The following CAPN5 variants were observed in gnomAD, a reference collection of about 807,000 sequenced individuals.
CAPN5 encodes calpain 5.
A neutral mutation model predicts 73.0 loss-of-function variants in CAPN5; 54 were observed. The observed-to-expected ratio is 0.74, with a 90% CI of 0.59 to 0.93. CAPN5 has a LOEUF of 0.93. CAPN5 is among the 40% of genes least tolerant of loss of function. The pLI is 0.00. For missense variants in CAPN5, 785 were observed against 882.9 expected (o/e 0.89, Z 1.41); for synonymous variants, 335 against 356.9 (o/e 0.94, Z 0.69).
At chr11:77,122,152 G>A in intron 11 of CAPN5, 103 bp downstream of exon 11, 1 of 665,828 alleles carries the variant, frequency 1.5e-6, no homozygotes, top group Non-Finnish European at 2.5e-6. Flanking sequence ...GCTCTCAGAG[G>A]CACTGCAGGC....
At chr11:77,080,306 C>T (rs868914079) in intron 1 of CAPN5, among the ~76,000 whole-genome samples, 1 of 152,172 alleles carries the variant, frequency 6.6e-6, no homozygotes, top group East Asian at 1.9e-4. Flanking sequence ...ATTCTGGGTC[C>T]TTTGTGGCTT....
At chr11:77,103,778 C>G (rs1295464509) in intron 3 of CAPN5, among the ~76,000 whole-genome samples, 1 of 152,230 alleles carries the variant, frequency 6.6e-6, no homozygotes, top group Non-Finnish European at 1.5e-5. Flanking sequence ...TCCAGCAAGC[C>G]GGCATTCACT....
intron 7 of CAPN5, among the ~76,000 whole-genome samples, chr11:77,116,833 T>G (rs1950473235): frequency 6.6e-6 from 1 of 152,086 alleles, no homozygotes; most frequent in Non-Finnish European, 1.5e-5. Flanking sequence ...TAGGCCTTGG[T>G]GGGCAAGGAA....
At chr11:77,104,079 C>G (rs546069640) in intron 3 of CAPN5, among the ~76,000 whole-genome samples, 25 of 152,290 alleles carry the variant, frequency 1.6e-4, no homozygotes, top group African/African-American at 5.8e-4. Context: ...CTATTCCTAC[C>G]CTAGGAACAA....
At chr11:77,091,235 T>C (rs1555036467) in intron 2 of CAPN5, among the ~76,000 whole-genome samples, 1 of 152,194 alleles carries the variant, frequency 6.6e-6, no homozygotes, top group Non-Finnish European at 1.5e-5. Flanking sequence ...TACACAGCCC[T>C]GCTGGGATGA....
chr11:77,088,663 G>T (rs1950117407), intron 2 of CAPN5, among the ~76,000 whole-genome samples: 1 of 152,168 alleles, frequency 6.6e-6, no homozygotes, highest in African/African-American at 2.4e-5. Flanking sequence ...ATTCCAGGAG[G>T]GTGGTGACTA....
chr11:77,104,838 G>A (rs1284376850), intron 3 of CAPN5, among the ~76,000 whole-genome samples: 2 of 152,240 alleles, frequency 1.3e-5, no homozygotes, highest in Non-Finnish European at 2.9e-5. Context: ...GCCATCCCCT[G>A]TGGCTGGGGC....
chr11:77,102,748 G>T (rs531097694), intron 3 of CAPN5: 4 of 1,420,420 alleles, frequency 2.8e-6, no homozygotes, highest in Non-Finnish European at 3.7e-6. Flanking sequence ...GCAGAAAGTA[G>T]GTGGGGCCCC....
chr11:77,123,574 C>A (rs1189682955), intron 12 of CAPN5, 114 bp from the exon 13 acceptor site: 1 of 888,054 alleles, frequency 1.1e-6, no homozygotes, highest in Non-Finnish European at 1.8e-6. Flanking sequence ...GCCCCCGATC[C>A]TCAGCCAGGC....
At chr11:77,075,443 G>A (rs1591109614) in intron 1 of CAPN5, among the ~76,000 whole-genome samples, 2 of 152,140 alleles carry the variant, frequency 1.3e-5, no homozygotes, top group Admixed American at 1.3e-4. Context: ...GGAGGAGGCT[G>A]GGACCAGAGA....
chr11:77,106,769 A>C (rs970175881), intron 3 of CAPN5, among the ~76,000 whole-genome samples: 2 of 152,214 alleles, frequency 1.3e-5, no homozygotes, highest in African/African-American at 4.8e-5. Flanking sequence ...GTGGGGGTAC[A>C]GGAGAACCTG....
chr11:77,088,732 C>A (rs1950118053), intron 2 of CAPN5, among the ~76,000 whole-genome samples: 1 of 152,144 alleles, frequency 6.6e-6, no homozygotes, highest in African/African-American at 2.4e-5. Context: ...GGAGCCTCTG[C>A]AGATATAGCC....
intron 3 of CAPN5, chr11:77,103,182 A>G (rs781797541): frequency 1.5e-5 from 24 of 1,613,674 alleles, no homozygotes; most frequent in East Asian, 4.5e-5. Context: ...CTCGGATGCC[A>G]TAGATTGGAA....
At chr11:77,083,477 T>A (rs1446567806) in intron 1 of CAPN5, among the ~76,000 whole-genome samples, 11 of 152,158 alleles carry the variant, frequency 7.2e-5, no homozygotes, top group African/African-American at 2.7e-4. Context: ...TGGGTTCCCG[T>A]CCGGACACCA....
chr11:77,075,519 G>A (rs1949960484), intron 1 of CAPN5, among the ~76,000 whole-genome samples: 1 of 152,126 alleles, frequency 6.6e-6, no homozygotes, highest in Non-Finnish European at 1.5e-5. Flanking sequence ...ACCCAGCCTG[G>A]GGCACTTTCC....
At chr11:77,105,006 A>G (rs1555039637) in intron 3 of CAPN5, among the ~76,000 whole-genome samples, 1 of 151,978 alleles carries the variant, frequency 6.6e-6, no homozygotes, top group Non-Finnish European at 1.5e-5. Flanking sequence ...GGCTTGAAGA[A>G]GTCTCGGCCA....
intron 3 of CAPN5, among the ~76,000 whole-genome samples, chr11:77,098,207 G>A (rs1555037916): frequency 2.6e-5 from 2 of 76,404 alleles, no homozygotes; most frequent in African/African-American, 7.5e-5. Flanking sequence ...CCCGGACGGG[G>A]CGGCTGGCCG....
rs1168828261 is a variant in CAPN5 at position 77,122,010 on chromosome 11, C to T, written c.1564C>T (p.His522Tyr). 6.4e-7 allele frequency: 1 copy of T among 1,561,816 alleles called. No individual in the cohort carries two copies. Among genetic ancestry groups the T allele is most frequent in the East Asian group, 2.4e-5 (1 of 41,440 alleles). Residue 522 changes from histidine (H) to tyrosine (Y), a missense_variant, in exon 11 of 13, where the codon CAT (histidine) becomes TAT (tyrosine). Coordinates refer to ENST00000648180, the MANE Select transcript of CAPN5 (RefSeq NM_004055.5). ...CTACCCCCAGCTGGTGACCCAGGTACATGTCCTGGGAGCTGCTGGCCTCAA... is the reference window on the plus strand; with the variant it reads ...CTACCCCCAGCTGGTGACCCAGGTATATGTCCTGGGAGCTGCTGGCCTCAA... Reference protein sequence around the residue: ...CGYPQLVTQVHVLGAAGLKDS... With the variant: ...CGYPQLVTQVYVLGAAGLKDS...
intron 2 of CAPN5, among the ~76,000 whole-genome samples, 175 bp from the exon 3 acceptor site, chr11:77,093,507 G>A (rs1950173179): frequency 6.6e-6 from 1 of 152,160 alleles, no homozygotes; most frequent in Non-Finnish European, 1.5e-5. Flanking sequence ...GGGCAAGCGG[G>A]GAGCAGATGG....
Sources: allele counts gnomAD v4.1 joint callset (sites outside exome capture counted in the v4.1 genomes callset), GRCh38; gene constraint gnomAD v4.1.1; transcripts MANE v1.5; gene names NCBI Gene and HGNC (gene_info 2026-07-23, HGNC 2026-07-21).